The following LRRC1 variants were observed in gnomAD, a reference collection of about 807,000 sequenced individuals.
LRRC1 encodes the protein leucine rich repeat containing 1, also known as leucine-rich repeat-containing protein 1.
A neutral mutation model predicts 69.9 loss-of-function variants in LRRC1; 28 were observed. The ratio of observed to expected loss-of-function variants is 0.40; its 90% CI spans 0.30 to 0.55. The LOEUF (loss-of-function observed/expected upper bound fraction) is 0.55. LRRC1 is among the 20% of genes least tolerant of loss of function. LRRC1 has a pLI of 0.47. For synonymous variants in LRRC1, 236 were observed against 240.2 expected (o/e 0.98, Z 0.16); for missense variants, 498 against 609.0 (o/e 0.82, Z 1.92).
intron 2 of LRRC1, among the ~76,000 whole-genome samples, chr6:53,860,769 G>T (rs1307197850): frequency 1.3e-5 from 2 of 152,154 alleles, no homozygotes; most frequent in Non-Finnish European, 2.9e-5. Context: ...TTCAGTGCAG[G>T]CTCTAAAGGT....
intron 11 of LRRC1, among the ~76,000 whole-genome samples, chr6:53,916,706 T>C (rs927331811): frequency 1.3e-5 from 2 of 152,166 alleles, no homozygotes; most frequent in African/African-American, 2.4e-5. Context: ...TGCTTAAAAC[T>C]AAAAATTCTA....
intron 1 of LRRC1, among the ~76,000 whole-genome samples, chr6:53,836,721 T>G (rs1765622288): frequency 6.6e-6 from 1 of 152,186 alleles, no homozygotes; most frequent in South Asian, 2.1e-4. Flanking sequence ...AATTATAAAG[T>G]GAACATCTGT....
In LRRC1 at chr6:53,840,997, C is replaced by T. The variant is rs140708497; in HGVS notation, c.160-1113C>T. On this transcript the variant is annotated intron_variant, in intron 1 of 13. Coordinates refer to ENST00000370888, the MANE Select transcript of LRRC1 (RefSeq NM_018214.5). The stretch of plus-strand genomic sequence containing the variant: ...GATGAGGTGGGCCTGTTTGGAAGCT[C>T]CGTGTGTTGGTGAGGCTTATAACCT... 1.2e-3 allele frequency among the ~76,000 whole-genome samples: 189 copies of T among 151,488 alleles called. 4 individuals are homozygous for T. Among genetic ancestry groups the T allele is most frequent in the East Asian group, 0.012 (61 of 5,094 alleles).
chr6:53,826,245 C>G (rs1472660047), intron 1 of LRRC1, among the ~76,000 whole-genome samples: 1 of 143,492 alleles, frequency 7.0e-6, no homozygotes, highest in Non-Finnish European at 1.5e-5. Context: ...TCCAGGTGTT[C>G]CTTTTGAAAT....
chr6:53,876,879 G>T (rs1767087223), intron 2 of LRRC1, among the ~76,000 whole-genome samples: 1 of 152,156 alleles, frequency 6.6e-6, no homozygotes, highest in Non-Finnish European at 1.5e-5. Context: ...TCTGTTGGTG[G>T]ATCTACCATT....
Position 53,922,883 on chromosome 6 carries a change from C to A in LRRC1, c.*90C>A. The A allele has an allele frequency of 7.7e-7, 1 of 1,293,008 alleles. No individual in the cohort carries two copies. The highest frequency in any genetic ancestry group is 1.9e-4 in the Middle Eastern group (1 of 5,194). 80.1% of individuals were successfully genotyped at this position (1,293,008 alleles called of 1,614,324 possible). ...CCGGGAGCCTCACGTGCTCCTTGTC[C>A]TAACCAGCCCCCGCGCGCCATCTTC... On this transcript the variant is annotated 3_prime_UTR_variant, in exon 14 of 14. Coordinates refer to ENST00000370888, the MANE Select transcript of LRRC1 (RefSeq NM_018214.5).
intron 1 of LRRC1, among the ~76,000 whole-genome samples, chr6:53,837,459 A>C (rs1289268189): frequency 6.6e-6 from 1 of 152,160 alleles, no homozygotes; most frequent in Non-Finnish European, 1.5e-5. Context: ...TAGGATGAAA[A>C]GGGGTCAAGA....
chr6:53,890,686 G>T (rs986033200), intron 4 of LRRC1, among the ~76,000 whole-genome samples: 18 of 152,036 alleles, frequency 1.2e-4, no homozygotes, highest in African/African-American at 4.3e-4. Flanking sequence ...GTTTTCTAGA[G>T]CAAAGCCACC....
In LRRC1 at chr6:53,882,991, G is replaced by A; in HGVS notation, c.446+15G>A. ...AATATTGGCAAGTAAGTTTTTTTGT[G>A]AAGTTTGGGTGGATCAGGGTGAAAG... On this transcript the variant is annotated intron_variant, in intron 4 of 13. Coordinates refer to ENST00000370888, the MANE Select transcript of LRRC1 (RefSeq NM_018214.5). The A allele has an allele frequency of 1.9e-6, 3 of 1,554,226 alleles. No homozygotes were observed. The highest frequency in any genetic ancestry group is 2.7e-6 in the Non-Finnish European group (3 of 1,129,776).
chr6:53,873,503 G>A (rs894450139), intron 2 of LRRC1, among the ~76,000 whole-genome samples: 20 of 149,490 alleles, frequency 1.3e-4, no homozygotes, highest in African/African-American at 4.9e-4. Flanking sequence ...GTTTCACTGC[G>A]CTAGCCAGGA....
At chr6:53,811,351 C>G (rs962256922) in intron 1 of LRRC1, among the ~76,000 whole-genome samples, 1 of 152,312 alleles carries the variant, frequency 6.6e-6, no homozygotes, top group Middle Eastern at 3.4e-3. Context: ...AGGCAGGTGA[C>G]GATGGTGGCT....
chr6:53,878,931 T>C, intron 2 of LRRC1, 62 bp from the exon 3 acceptor site: 1 of 940,050 alleles, frequency 1.1e-6, no homozygotes. Flanking sequence ...TGATCCATCT[T>C]GAGAGTGATG....
chr6:53,803,586 G>A (rs1044375131), intron 1 of LRRC1, among the ~76,000 whole-genome samples: 2 of 141,478 alleles, frequency 1.4e-5, no homozygotes, highest in African/African-American at 2.5e-5. Flanking sequence ...GTGTGTGTGT[G>A]TATGTGTGTG....
Position 53,842,125 on chromosome 6 carries a change from G to A in LRRC1, c.175G>A (p.Val59Ile), listed in dbSNP as rs143277810. The A allele has an allele frequency of 4.2e-5, 67 of 1,612,208 alleles. No individual in the cohort carries two copies. In the African/African-American group the frequency reaches 8.1e-4, roughly 20 times the overall value. The change falls in exon 2 of 14, where the codon GTC becomes ATC. Residue 59 changes from valine (V) to isoleucine (I), a missense_variant. Physicochemically the swap from Val to Ile is conservative, Grantham distance 29 (BLOSUM62 3). Around this residue, in one of 3 missense-constraint regions of LRRC1, gnomAD observed 266 missense variants for 383.9 expected, o/e 0.69. Coordinates refer to ENST00000370888, the MANE Select transcript of LRRC1 (RefSeq NM_018214.5). ...RELPEQFFQL[V>I]KLRKLGLSDN... Reference sequence around the variant, plus strand: ...TGTCTTTCAGCAATTTTTCCAGCTAGTCAAATTACGAAAGCTTGGACTTAG... The same window carrying A: ...TGTCTTTCAGCAATTTTTCCAGCTAATCAAATTACGAAAGCTTGGACTTAG...
intron 2 of LRRC1, among the ~76,000 whole-genome samples, chr6:53,863,869 AAAC>A (rs1368034438): frequency 1.3e-5 from 2 of 152,254 alleles, no homozygotes; most frequent in African/African-American, 4.8e-5. Context: ...ATCTCAGATT[AAAC>A]AACAGTCCTT....
intron 1 of LRRC1, among the ~76,000 whole-genome samples, chr6:53,821,067 T>G (rs192278676): frequency 5.8e-4 from 89 of 152,378 alleles, no homozygotes; most frequent in African/African-American, 2.1e-3. Context: ...TACACCACGC[T>G]TTCTTTGAAA....
chr6:53,857,447 G>A (rs1361884110), intron 2 of LRRC1, among the ~76,000 whole-genome samples: 2 of 152,194 alleles, frequency 1.3e-5, no homozygotes, highest in Admixed American at 6.5e-5. Flanking sequence ...ATTAATGGAT[G>A]AAGCGTTGTC....
intron 1 of LRRC1, among the ~76,000 whole-genome samples, chr6:53,808,986 T>G (rs1464794995): frequency 6.6e-6 from 1 of 152,208 alleles, no homozygotes; most frequent in Non-Finnish European, 1.5e-5. Context: ...GTGCTGGATT[T>G]CCTACTTTCA....
At chr6:53,859,451 G>A (rs944382311) in intron 2 of LRRC1, among the ~76,000 whole-genome samples, 1 of 152,300 alleles carries the variant, frequency 6.6e-6, no homozygotes. Flanking sequence ...CTAAATTGCA[G>A]CTAGGAGCCA....
Sources: allele counts gnomAD v4.1 joint callset (sites outside exome capture counted in the v4.1 genomes callset), GRCh38; gene constraint gnomAD v4.1.1; regional missense constraint gnomAD v4.1.1; transcripts MANE v1.5; gene names NCBI Gene and HGNC (gene_info 2026-07-23, HGNC 2026-07-21).